ZNF567: variants seen among roughly 807,000 people sequenced by gnomAD.
ZNF567 encodes the protein zinc finger protein 567.
In ZNF567, 36 loss-of-function variants were observed where a neutral mutation model predicts 53.9. The observed-to-expected ratio is 0.67, with a 90% CI of 0.51 to 0.88. ZNF567 has a LOEUF of 0.88. Ranked by LOEUF, ZNF567 falls within the 40% of genes least tolerant of loss-of-function variation. The probability of loss-of-function intolerance (pLI) is 0.00; values close to 1 mark genes in which losing one functional copy is unlikely to be tolerated. For synonymous variants in ZNF567, 224 were observed against 260.4 expected (o/e 0.86, Z 1.35); for missense variants, 619 against 764.7 (o/e 0.81, Z 2.25).
intron 2 of ZNF567, among the ~76,000 whole-genome samples, chr19:36,692,405 C>T (rs1351020805): frequency 1.3e-5 from 2 of 152,286 alleles, no homozygotes; most frequent in South Asian, 2.1e-4. Flanking sequence ...CAGAGTCTTG[C>T]TCTGTTGTCC....
rs1383429688 is a variant in ZNF567 at position 36,719,180 on chromosome 19, AAAT to A, written c.457_459del (p.Asn153del). The stretch of plus-strand genomic sequence containing the variant: ...TTTCAGAATTAATCATCAGTAATCT[AAAT>A]CCTGCAAGAAAGAGACTTAGTGAGT... On this transcript the variant is annotated inframe_deletion, in exon 6 of 6. Coordinates refer to ENST00000682579, the MANE Select transcript of ZNF567 (RefSeq NM_001322917.1). 6.2e-7 allele frequency: 1 copy of A among 1,613,480 alleles called. No individual in the cohort carries two copies. The highest frequency in any genetic ancestry group is 8.5e-7 in the Non-Finnish European group (1 of 1,179,870).
intron 3 of ZNF567, 174 bp from the exon 4 acceptor site, chr19:36,712,212 A>T: frequency 3.7e-6 from 2 of 533,600 alleles, no homozygotes; most frequent in Non-Finnish European, 3.3e-6. Flanking sequence ...ATGCCCAGCT[A>T]ATTTTTTGTA....
intron 2 of ZNF567, among the ~76,000 whole-genome samples, chr19:36,694,479 G>T (rs2038777742): frequency 1.3e-5 from 2 of 152,104 alleles, no homozygotes. Flanking sequence ...TATATTGCTG[G>T]CAGTACTATG....
intron 2 of ZNF567, among the ~76,000 whole-genome samples, chr19:36,690,582 CTT>C (rs1397264378): frequency 6.6e-6 from 1 of 152,144 alleles, no homozygotes; most frequent in Non-Finnish European, 1.5e-5. Flanking sequence ...CAGAGTGAGA[CTT>C]TGTTTCAAAA....
At chr19:36,701,428 G>T (rs2039178917) in intron 3 of ZNF567, among the ~76,000 whole-genome samples, 1 of 151,086 alleles carries the variant, frequency 6.6e-6, no homozygotes, top group Non-Finnish European at 1.5e-5. Context: ...TTCTGTAGAT[G>T]TCTATTAGGT....
chr19:36,692,681 G>A (rs2038680402), intron 2 of ZNF567, among the ~76,000 whole-genome samples: 1 of 152,132 alleles, frequency 6.6e-6, no homozygotes. Context: ...TGCTCAACCA[G>A]TTTTCTGATT....
At chr19:36,694,682 A>T in intron 2 of ZNF567, 120 bp from the exon 3 acceptor site, 1 of 532,206 alleles carries the variant, frequency 1.9e-6, no homozygotes, top group South Asian at 2.9e-5. Flanking sequence ...TTTATGTGGC[A>T]TGTTCAGAGT....
At chr19:36,681,752 T>TA in the ZNF567 span, among the ~76,000 whole-genome samples, 2 of 151,702 alleles carry the variant, frequency 1.3e-5, no homozygotes, top group Non-Finnish European at 2.9e-5. Flanking sequence ...TTTTTTTTTT[T>TA]AATTGGGAAT....
At chr19:36,707,043 C>G (rs887656332) in intron 3 of ZNF567, among the ~76,000 whole-genome samples, 1 of 151,998 alleles carries the variant, frequency 6.6e-6, no homozygotes, top group Non-Finnish European at 1.5e-5. Context: ...TTTTTTCCTC[C>G]AATCTGATAC....
chr19:36,712,491 TA>T lies in ZNF567; in HGVS notation c.116del (p.Tyr39PhefsTer11). On this transcript the variant is annotated frameshift_variant, in exon 4 of 6. Transcript: ENST00000682579. LOFTEE classifies it high-confidence loss of function. ...TLYMDVMLEN[Y>X]CHLISVGCHM... ...ATATATGGATGTGATGTTGGAAAACTATTGCCACCTCATCTCTGTGGGTAAG... is the reference window on the plus strand; with the variant it reads ...ATATATGGATGTGATGTTGGAAAACTTTGCCACCTCATCTCTGTGGGTAAG... 2 of 1,614,124 alleles carry T rather than the reference TA, an allele frequency of 1.2e-6. No homozygotes were observed. The highest frequency in any genetic ancestry group is 1.7e-6 in the Non-Finnish European group (2 of 1,179,988).
upstream of ZNF567, chr19:36,685,839 G>A (rs1377020946): frequency 6.6e-6 from 1 of 152,260 alleles, no homozygotes; most frequent in South Asian, 2.1e-4. Context: ...TGGCTTGCCT[G>A]AGTGGTTCTT....
chr19:36,710,668 C>T (rs553280555), intron 3 of ZNF567, among the ~76,000 whole-genome samples: 1 of 152,270 alleles, frequency 6.6e-6, no homozygotes, highest in East Asian at 1.9e-4. Flanking sequence ...ATCTGCTTTT[C>T]TCTCAATCAA....
rs2145922832 is a variant in ZNF567 at position 36,720,292 on chromosome 19, A to G, written c.1568A>G (p.His523Arg). Residue 523 changes from histidine to arginine, a missense_variant, in exon 6 of 6, where the codon CAT (histidine) becomes CGT (arginine). Transcript: ENST00000682579. ...SFSQKTNLNL[H>R]QRIHTGEKPY... ...AGTCAAAAGACAAATCTCAATCTACATCAGAGAATTCATACAGGGGAGAAA... is the reference window on the plus strand; with the variant it reads ...AGTCAAAAGACAAATCTCAATCTACGTCAGAGAATTCATACAGGGGAGAAA... The G allele has an allele frequency of 1.9e-6, 3 of 1,614,164 alleles. No individual in the cohort carries two copies. The highest frequency in any genetic ancestry group is 2.5e-6 in the Non-Finnish European group (3 of 1,180,014).
At chr19:36,672,879 A>G in the ZNF567 span, among the ~76,000 whole-genome samples, 16 of 152,222 alleles carry the variant, frequency 1.1e-4, no homozygotes, top group Non-Finnish European at 1.9e-4. Flanking sequence ...GGAAAAAGGA[A>G]TACATAATGG....
At chr19:36,708,266 A>T (rs991513383) in intron 3 of ZNF567, among the ~76,000 whole-genome samples, 6 of 152,014 alleles carry the variant, frequency 3.9e-5, no homozygotes, top group Non-Finnish European at 5.9e-5. Context: ...CCTCATGAAT[A>T]TTAGTCCTAT....
At chr19:36,702,624 C>G (rs2039261851) in intron 3 of ZNF567, among the ~76,000 whole-genome samples, 2 of 152,096 alleles carry the variant, frequency 1.3e-5, no homozygotes, top group South Asian at 2.1e-4. Flanking sequence ...TTGTTCGTTT[C>G]TTTTTATTCT....
chr19:36,693,675 T>C (rs943173116), intron 2 of ZNF567, among the ~76,000 whole-genome samples: 1 of 152,170 alleles, frequency 6.6e-6, no homozygotes, highest in Admixed American at 6.5e-5. Context: ...TTAAAACTGA[T>C]AACTGTAAGG....
intron 3 of ZNF567, among the ~76,000 whole-genome samples, chr19:36,701,260 T>C (rs983473563): frequency 1.3e-5 from 2 of 152,218 alleles, no homozygotes; most frequent in Non-Finnish European, 2.9e-5. Flanking sequence ...TCTTGAGTTC[T>C]AGTTTGATTG....
At chr19:36,701,701 A>G (rs1158225945) in intron 3 of ZNF567, among the ~76,000 whole-genome samples, 2 of 147,334 alleles carry the variant, frequency 1.4e-5, no homozygotes, top group Non-Finnish European at 3.0e-5. Context: ...GTCTCTTTTG[A>G]TCTTCGTTGG....
Sources: allele counts gnomAD v4.1 joint callset (sites outside exome capture counted in the v4.1 genomes callset), GRCh38; gene constraint gnomAD v4.1.1; transcripts MANE v1.5; gene names NCBI Gene and HGNC (gene_info 2026-07-23, HGNC 2026-07-21).